Variants in CTNND1 observed in about 807,000 individuals in gnomAD.
CTNND1 encodes catenin delta-1.
A neutral mutation model predicts 112.1 loss-of-function variants in CTNND1; 16 were observed. The observed-to-expected ratio is 0.14, with a 90% confidence interval of 0.10 to 0.22. CTNND1 has a LOEUF of 0.22. Among genes scored for constraint, CTNND1 ranks in the 10% least tolerant of loss-of-function variants. The pLI is 1.00. For missense variants in CTNND1, 1,008 were observed against 1,257.0 expected, an observed-to-expected ratio of 0.80 and a Z score of 3.00; for synonymous variants, 420 against 446.5, an observed-to-expected ratio of 0.94 and a Z score of 0.75.
At chr11:57,809,172 G>A in intron 14 of CTNND1, 102 bp from the exon 15 acceptor site, 2 of 806,904 alleles carry the variant, frequency 2.5e-6, no homozygotes, top group South Asian at 3.6e-5. Context: ...GATTCATGTG[G>A]ACAGCACCTA....
chr11:57,774,899 G>A (rs773817281), intron 1 of CTNND1, among the ~76,000 whole-genome samples: 1 of 152,000 alleles, frequency 6.6e-6, no homozygotes, highest in Non-Finnish European at 1.5e-5. Flanking sequence ...TTTTAGTAGA[G>A]GTGGGGTTTT....
At chr11:57,771,420 T>C (rs200652068) in intron 1 of CTNND1, among the ~76,000 whole-genome samples, 2 of 124,224 alleles carry the variant, frequency 1.6e-5, no homozygotes, top group Non-Finnish European at 3.5e-5. Context: ...GGTGAGGTTA[T>C]TTTATATAGA....
At position 57,795,626 on chromosome 11, in the gene CTNND1, G is replaced by GGGAGAT; in HGVS notation, c.318_319insGAGATG (p.Gly106_Gln107insGluMet). ...ACCATCCCCAGGATGCAGGAGCCGG[G>GGGAGAT]GCAGATTGTGGAGACCTACACGGAG... On this transcript the variant is annotated inframe_insertion, in exon 5 of 21. Coordinates refer to ENST00000399050, the MANE Select transcript of CTNND1 (RefSeq NM_001085458.2). The GGGAGAT allele has an allele frequency of 1.9e-6, 3 of 1,608,454 alleles. No homozygotes were observed. In the South Asian group the frequency reaches 3.3e-5, roughly 18 times the overall value.
chr11:57,804,788 C>A lies in CTNND1; in HGVS notation c.1722+8C>A. 1 of 1,584,914 alleles carries A rather than the reference C, an allele frequency of 6.3e-7. No individual in the cohort carries two copies. The highest frequency in any genetic ancestry group is 1.3e-5 in the African/African-American group (1 of 74,526). ...AAGGATTCAGACAGCAAGGTAAGTG[C>A]TGTCTTACCTTTAATGGCTGAGTGA... is the stretch of plus-strand genomic sequence containing the variant. On this transcript the variant is annotated splice_region_variant and intron_variant, in intron 9 of 20. Transcript: ENST00000399050.
At position 57,791,586 on chromosome 11, in the gene CTNND1, C is replaced by A. The variant is rs774529231; in HGVS notation, c.108C>A (p.His36Gln). ...LTRALEEERRHVSAQLERVRV... is the reference protein window; with the variant it reads ...LTRALEEERRQVSAQLERVRV... ...GGGCGCTGGAGGAGGAACGGCGCCA[C>A]GTCTCGGCGCAGCTGGAACGCGTCC... Residue 36 changes from histidine to glutamine, a missense_variant, in exon 3 of 21, where the codon CAC (histidine) becomes CAA (glutamine). By Grantham distance (24) the His-to-Gln change is conservative (BLOSUM62 0). Around this residue, in one of 5 missense-constraint regions of CTNND1, gnomAD observed 404 missense variants for 457.9 expected, o/e 0.88. Coordinates refer to ENST00000399050, the MANE Select transcript of CTNND1 (RefSeq NM_001085458.2). The A allele has an allele frequency of 1.2e-6, 2 of 1,611,422 alleles. No individual in the cohort carries two copies. The highest frequency in any genetic ancestry group is 1.7e-5 in the Admixed American group (1 of 59,498).
intron 1 of CTNND1, among the ~76,000 whole-genome samples, chr11:57,773,288 A>C (rs1306370868): frequency 6.6e-6 from 1 of 151,744 alleles, no homozygotes; most frequent in African/African-American, 2.4e-5. Flanking sequence ...AGCCTCCATC[A>C]CATCTGGCTA....
intron 1 of CTNND1, among the ~76,000 whole-genome samples, chr11:57,779,393 T>C (rs2059339450): frequency 6.6e-6 from 1 of 152,224 alleles, no homozygotes; most frequent in Non-Finnish European, 1.5e-5. Flanking sequence ...TTTTCTCTCT[T>C]GTTTTGTGTT....
intron 1 of CTNND1, chr11:57,763,720 G>T (rs2135822050): frequency 6.6e-6 from 1 of 152,320 alleles, no homozygotes; most frequent in South Asian, 2.1e-4. Flanking sequence ...GCCTGGGGAG[G>T]TTTCTTGGAT....
At chr11:57,787,058 T>C (rs1222488191) in intron 1 of CTNND1, among the ~76,000 whole-genome samples, 1 of 152,256 alleles carries the variant, frequency 6.6e-6, no homozygotes, top group African/African-American at 2.4e-5. Context: ...TCTTCACCCA[T>C]GAGTCTTATT....
At chr11:57,811,271 C>A in intron 16 of CTNND1, 128 bp from the exon 17 acceptor site, 1 of 669,168 alleles carries the variant, frequency 1.5e-6, no homozygotes, top group Admixed American at 2.7e-5. Context: ...GGTATTTATT[C>A]AACTCTTATA....
chr11:57,804,826 A>G (rs1421189984), intron 9 of CTNND1, 46 bp downstream of exon 9: 5 of 1,361,806 alleles, frequency 3.7e-6, no homozygotes, highest in East Asian at 2.3e-5. Context: ...TTCATTCACC[A>G]CAACTATGAA....
chr11:57,809,417 C>G lies in CTNND1; in HGVS notation c.2386C>G (p.Leu796Val), dbSNP rs760669480. 1.2e-6 allele frequency: 2 copies of G among 1,613,762 alleles called. No homozygotes were observed. The highest frequency in any genetic ancestry group is 2.7e-5 in the African/African-American group (2 of 75,036). Residue 796 changes from leucine (L) to valine (V), a missense_variant, in exon 15 of 21, where the codon CTT (leucine) becomes GTT (valine). Physicochemically the swap from Leu to Val is conservative, Grantham distance 32 (BLOSUM62 1). Transcript: ENST00000399050. ...IAENLEAAKK[L>V]RETQGIEKLV... is the part of the protein sequence containing the mutation. ...TGAGAACTTGGAGGCTGCCAAAAAG[C>G]TTCGAGAGACACAGGGTATTGAGAA...
In CTNND1 at chr11:57,791,478, C is replaced by T. The variant is rs749330128; in HGVS notation, c.-1C>T. The T allele has an allele frequency of 4.0e-5, 60 of 1,512,084 alleles. No homozygotes were observed. The highest frequency in any genetic ancestry group is 9.1e-5 in the Admixed American group (4 of 44,188). 93.7% of individuals were successfully genotyped at this position (1,512,084 alleles called of 1,614,324 possible). The stretch of plus-strand genomic sequence containing the variant: ...CTGCGGCGGCTCCGCCCCTTACCTT[C>T]ATGGACGACTCAGAGGTGGAGTCGA... On this transcript the variant is annotated 5_prime_UTR_variant, in exon 3 of 21. Transcript: ENST00000399050.
chr11:57,765,953 T>C (rs1950959175), intron 1 of CTNND1, among the ~76,000 whole-genome samples: 1 of 152,202 alleles, frequency 6.6e-6, no homozygotes, highest in African/African-American at 2.4e-5. Flanking sequence ...GGTGGATCGC[T>C]GGGCAACATG....
chr11:57,816,276 CTT>C lies in CTNND1; in HGVS notation c.2896-19_2896-18del, dbSNP rs2063987111. 2 of 1,613,508 alleles carry C rather than the reference CTT, an allele frequency of 1.2e-6. No individual in the cohort carries two copies. Among genetic ancestry groups the C allele is most frequent in the South Asian group, 1.1e-5 (1 of 91,066 alleles). Reference sequence around the variant, plus strand: ...AATCCCAACCCCATTAACATTCTCTCTTTCTCTTTTTTCTCCACAGCAGAAGA... The same window carrying C: ...AATCCCAACCCCATTAACATTCTCTCTCTCTTTTTTCTCCACAGCAGAAGA... On this transcript the variant is annotated intron_variant, in intron 20 of 20. Coordinates refer to ENST00000399050, the MANE Select transcript of CTNND1 (RefSeq NM_001085458.2).
chr11:57,803,477 C>T (rs964759898), intron 7 of CTNND1, 144 bp from the exon 8 acceptor site: 16 of 529,264 alleles, frequency 3.0e-5, no homozygotes, highest in African/African-American at 3.9e-5. Flanking sequence ...TGGTGAGGGT[C>T]GCAAACAAAG....
chr11:57,786,152 TTA>T (rs992175813), intron 1 of CTNND1, among the ~76,000 whole-genome samples: 15 of 151,960 alleles, frequency 9.9e-5, no homozygotes, highest in Admixed American at 9.9e-4. Flanking sequence ...AAGTTTCACT[TTA>T]TGTTTCCTCA....
intron 1 of CTNND1, among the ~76,000 whole-genome samples, chr11:57,785,927 A>C (rs193053303): frequency 1.9e-4 from 29 of 151,930 alleles, no homozygotes; most frequent in Non-Finnish European, 3.8e-4. Flanking sequence ...TATTTGATTT[A>C]ATTTAACTTC....
rs192363102 is a variant in CTNND1 at position 57,768,583 on chromosome 11, C to T, written c.-214+6464C>T. On this transcript the variant is annotated intron_variant, in intron 1 of 20. Coordinates refer to ENST00000399050, the MANE Select transcript of CTNND1 (RefSeq NM_001085458.2). ...TAATTTTTTGTATTTTTAGTAGAGA[C>T]GGGGTTTCACTGTGTTAGCCAGGAT... Among the ~76,000 whole-genome samples the T allele has an allele frequency of 8.6e-3, 1,306 of 151,530 alleles. 26 individuals are homozygous for T. The highest frequency in any genetic ancestry group is 0.029 in the African/African-American group (1,206 of 41,316).
Sources: allele counts gnomAD v4.1 joint callset (sites outside exome capture counted in the v4.1 genomes callset), GRCh38; gene constraint gnomAD v4.1.1; regional missense constraint gnomAD v4.1.1; transcripts MANE v1.5; gene names NCBI Gene and HGNC (gene_info 2026-07-23, HGNC 2026-07-21).